RAB2A: variants seen among roughly 807,000 people sequenced by gnomAD.
The protein encoded by RAB2A is ras-related protein Rab-2A.
A neutral mutation model predicts 32.5 loss-of-function variants in RAB2A; 7 were observed. That is an observed-to-expected ratio of 0.22 (90% confidence interval 0.12 to 0.40). RAB2A has a LOEUF of 0.40. RAB2A is among the 10% of genes least tolerant of loss of function. The pLI is 1.00. For missense variants in RAB2A, 108 were observed against 260.7 expected, an observed-to-expected ratio of 0.41 and a Z score of 4.03; for synonymous variants, 79 against 85.2, an observed-to-expected ratio of 0.93 and a Z score of 0.40.
chr8:60,532,131 T>G (rs1459021989), intron 1 of RAB2A, among the ~76,000 whole-genome samples: 1 of 152,082 alleles, frequency 6.6e-6, no homozygotes, highest in African/African-American at 2.4e-5. Context: ...ACACTCACTC[T>G]TAGTATTTTG....
chr8:60,518,387 T>G (rs1807245081), intron 1 of RAB2A, among the ~76,000 whole-genome samples: 1 of 152,006 alleles, frequency 6.6e-6, no homozygotes, highest in Non-Finnish European at 1.5e-5. Flanking sequence ...CCGGACGCGG[T>G]GGCTCACACC....
Position 60,621,010 on chromosome 8 carries a change from T to G in RAB2A, c.*241T>G, listed in dbSNP as rs1804517393. 4.6e-6 allele frequency: 2 copies of G among 433,160 alleles called. No homozygotes were observed. The highest frequency in any genetic ancestry group is 4.1e-5 in the African/African-American group (2 of 48,482). The allele number at this position is 433,160 out of a possible 1,614,324, so 26.8% of individuals were successfully genotyped here. On this transcript the variant is annotated 3_prime_UTR_variant, in exon 8 of 8. Coordinates refer to ENST00000262646, the MANE Select transcript of RAB2A (RefSeq NM_002865.3). ...TCTAGGTCAATTGATGTGATTATTT[T>G]TGTTAAATGTTGTCTTGTGCCCTTA...
intron 1 of RAB2A, among the ~76,000 whole-genome samples, chr8:60,551,466 A>T (rs1051606402): frequency 3.3e-5 from 5 of 152,206 alleles, no homozygotes; most frequent in African/African-American, 1.2e-4. Context: ...TGTGCCAGAC[A>T]CTGTTTTAAG....
At chr8:60,610,926 A>C (rs187989982) in intron 6 of RAB2A, among the ~76,000 whole-genome samples, 90 of 152,298 alleles carry the variant, frequency 5.9e-4, no homozygotes, top group African/African-American at 2.1e-3. Flanking sequence ...CACGTGTCTA[A>C]AAGAAATTTT....
intron 2 of RAB2A, among the ~76,000 whole-genome samples, chr8:60,568,598 A>G (rs2130837690): frequency 6.6e-6 from 1 of 152,360 alleles, no homozygotes; most frequent in Middle Eastern, 3.4e-3. Context: ...GCACAGGGTC[A>G]CACAACCAAG....
intron 3 of RAB2A, among the ~76,000 whole-genome samples, chr8:60,580,841 G>T (rs1803736824): frequency 6.6e-6 from 1 of 152,152 alleles, no homozygotes; most frequent in Admixed American, 6.5e-5. Context: ...ACTGGAAGTT[G>T]TGGATCTTAT....
intron 6 of RAB2A, among the ~76,000 whole-genome samples, chr8:60,597,636 G>T (rs988490499): frequency 1.3e-5 from 2 of 151,760 alleles, no homozygotes; most frequent in Non-Finnish European, 2.9e-5. Flanking sequence ...CCTACTTCAA[G>T]AACCCAAAGC....
chr8:60,585,155 T>C (rs1231789571), intron 5 of RAB2A, among the ~76,000 whole-genome samples: 1 of 152,232 alleles, frequency 6.6e-6, no homozygotes, highest in Non-Finnish European at 1.5e-5. Flanking sequence ...TGCTATTATA[T>C]GGGAAAACCT....
intron 6 of RAB2A, among the ~76,000 whole-genome samples, chr8:60,604,569 G>A (rs1194413445): frequency 6.6e-6 from 1 of 152,192 alleles, no homozygotes; most frequent in Non-Finnish European, 1.5e-5. Context: ...GGAGGTCTCA[G>A]ATGGAGATTA....
At chr8:60,615,530 T>C (rs1804434909) in intron 6 of RAB2A, among the ~76,000 whole-genome samples, 1 of 152,070 alleles carries the variant, frequency 6.6e-6, no homozygotes, top group Admixed American at 6.6e-5. Flanking sequence ...ATGAATAGAG[T>C]GAAATGATCA....
At chr8:60,576,372 C>T in intron 3 of RAB2A, 1 of 430,650 alleles carries the variant, frequency 2.3e-6, no homozygotes, top group South Asian at 1.7e-5. Flanking sequence ...CTTACTTTTT[C>T]TCTTGCCTTC....
chr8:60,574,349 C>T (rs1334179182), intron 3 of RAB2A, among the ~76,000 whole-genome samples: 1 of 152,160 alleles, frequency 6.6e-6, no homozygotes, highest in African/African-American at 2.4e-5. Flanking sequence ...GCTTTGTATC[C>T]TGCATTCTTA....
At chr8:60,552,565 TGAAAA>T (rs924241455) in intron 1 of RAB2A, 2 of 152,200 alleles carry the variant, frequency 1.3e-5, no homozygotes, top group African/African-American at 4.8e-5. Flanking sequence ...AATTTATCCA[TGAAAA>T]GAAAACGTTA....
intron 1 of RAB2A, among the ~76,000 whole-genome samples, chr8:60,538,675 G>A (rs1586068559): frequency 6.6e-6 from 1 of 152,112 alleles, no homozygotes; most frequent in Non-Finnish European, 1.5e-5. Flanking sequence ...AGCTTCTATG[G>A]TGTGTGTGTG....
chr8:60,557,562 G>C (rs1177312065), intron 1 of RAB2A, among the ~76,000 whole-genome samples: 1 of 152,046 alleles, frequency 6.6e-6, no homozygotes, highest in Non-Finnish European at 1.5e-5. Flanking sequence ...CATTCCTTTT[G>C]TCTAAATTAA....
chr8:60,558,564 C>A (rs1377496864), intron 1 of RAB2A: 5 of 496,262 alleles, frequency 1.0e-5, no homozygotes, highest in Non-Finnish European at 1.9e-5. Flanking sequence ...GTAGAGGCTA[C>A]CAGAAGGACC....
At chr8:60,579,044 GT>G (rs1803689879) in intron 3 of RAB2A, among the ~76,000 whole-genome samples, 1 of 150,804 alleles carries the variant, frequency 6.6e-6, no homozygotes, top group South Asian at 2.1e-4. Flanking sequence ...GTTTTGTTTT[GT>G]TTTTGTTTTG....
chr8:60,528,804 G>GC (rs1207200080), intron 1 of RAB2A, among the ~76,000 whole-genome samples: 3 of 152,048 alleles, frequency 2.0e-5, no homozygotes, highest in African/African-American at 7.2e-5. Flanking sequence ...CAAACTCCTG[G>GC]CCTCAAGTGA....
intron 5 of RAB2A, among the ~76,000 whole-genome samples, chr8:60,589,690 A>G (rs1803910285): frequency 6.6e-6 from 1 of 152,188 alleles, no homozygotes; most frequent in Non-Finnish European, 1.5e-5. Flanking sequence ...AGAGGGAGTG[A>G]ACTAAGACAA....
Sources: allele counts gnomAD v4.1 joint callset (sites outside exome capture counted in the v4.1 genomes callset), GRCh38; gene constraint gnomAD v4.1.1; transcripts MANE v1.5; gene names NCBI Gene and HGNC (gene_info 2026-07-23, HGNC 2026-07-21).